Variants in ANKS1B observed in about 807,000 individuals in gnomAD.
The protein encoded by ANKS1B is ankyrin repeat and sterile alpha motif domain containing 1B.
A neutral mutation model predicts 148.3 loss-of-function variants in ANKS1B; 36 were observed. The ratio of observed to expected loss-of-function variants is 0.24; its 90% confidence interval spans 0.19 to 0.32. The LOEUF is 0.32. Ranked by LOEUF, ANKS1B falls within the 10% of genes least tolerant of loss-of-function variation. ANKS1B has a pLI of 1.00. For missense variants in ANKS1B, 1,157 were observed against 1,542.6 expected (o/e 0.75, Z 4.19); for synonymous variants, 542 against 560.8 (o/e 0.97, Z 0.47).
chr12:99,441,838 C>T (rs1020729995), intron 11 of ANKS1B, among the ~76,000 whole-genome samples: 2 of 151,764 alleles, frequency 1.3e-5, no homozygotes, highest in African/African-American at 4.8e-5. Flanking sequence ...CCAGGTGAAC[C>T]TAAACTCAAT....
chr12:99,285,246 C>T (rs2078975811), intron 12 of ANKS1B, among the ~76,000 whole-genome samples: 1 of 152,148 alleles, frequency 6.6e-6, no homozygotes, highest in Non-Finnish European at 1.5e-5. Flanking sequence ...GCTGCCTTTA[C>T]TCAGCATAGT....
intron 12 of ANKS1B, among the ~76,000 whole-genome samples, chr12:99,348,130 G>A (rs1409553472): frequency 1.3e-5 from 2 of 151,806 alleles, no homozygotes; most frequent in Non-Finnish European, 2.9e-5. Context: ...TAAATCAATT[G>A]AAATTATCCA....
chr12:99,448,369 CACTTATATATGAA>C (rs2095670677), intron 10 of ANKS1B, among the ~76,000 whole-genome samples: 1 of 152,098 alleles, frequency 6.6e-6, no homozygotes, highest in African/African-American at 2.4e-5. Context: ...CACGTGATCT[CACTTATATATGAA>C]ATCTAAACAA....
intron 14 of ANKS1B, among the ~76,000 whole-genome samples, chr12:99,161,229 G>A (rs2076624542): frequency 6.6e-6 from 1 of 152,100 alleles, no homozygotes; most frequent in Non-Finnish European, 1.5e-5. Context: ...GGAAGTTTAA[G>A]CCTAAACGTG....
At chr12:99,630,008 T>C (rs2098142513) in intron 9 of ANKS1B, among the ~76,000 whole-genome samples, 1 of 152,174 alleles carries the variant, frequency 6.6e-6, no homozygotes, top group Non-Finnish European at 1.5e-5. Context: ...TAAAAAATCC[T>C]AGGTGTATTT....
At chr12:98,887,500 T>C (rs1282227766) in intron 17 of ANKS1B, among the ~76,000 whole-genome samples, 1 of 152,204 alleles carries the variant, frequency 6.6e-6, no homozygotes, top group Non-Finnish European at 1.5e-5. Context: ...TTTCATCGTA[T>C]TTTTTCTTAA....
chr12:99,445,727 C>G (rs2095626297), intron 10 of ANKS1B, among the ~76,000 whole-genome samples: 1 of 150,924 alleles, frequency 6.6e-6, no homozygotes, highest in South Asian at 2.1e-4. Context: ...GGGTTTTTTC[C>G]TTTTCTTTTT....
At chr12:99,415,091 C>T (rs756487872) in intron 11 of ANKS1B, among the ~76,000 whole-genome samples, 1 of 152,114 alleles carries the variant, frequency 6.6e-6, no homozygotes, top group Non-Finnish European at 1.5e-5. Context: ...TAGTTTTGGA[C>T]TCAATGTAGA....
At chr12:98,937,593 T>A (rs1184529647) in intron 17 of ANKS1B, among the ~76,000 whole-genome samples, 2 of 152,090 alleles carry the variant, frequency 1.3e-5, no homozygotes, top group Non-Finnish European at 1.5e-5. Flanking sequence ...AGGAGTTATC[T>A]CCTGAATAAG....
intron 12 of ANKS1B, among the ~76,000 whole-genome samples, chr12:99,301,958 G>T (rs1452787737): frequency 1.3e-5 from 2 of 152,018 alleles, no homozygotes; most frequent in African/African-American, 4.8e-5. Flanking sequence ...AAGTGGGAAT[G>T]GTGTATCAGG....
At chr12:99,257,851 A>C (rs1189834635) in intron 12 of ANKS1B, among the ~76,000 whole-genome samples, 1 of 152,136 alleles carries the variant, frequency 6.6e-6, no homozygotes, top group East Asian at 1.9e-4. Context: ...CTTCCAGCTG[A>C]GCCAGGGAAC....
intron 9 of ANKS1B, among the ~76,000 whole-genome samples, chr12:99,552,763 T>C (rs2097234250): frequency 6.6e-6 from 1 of 152,192 alleles, no homozygotes; most frequent in Non-Finnish European, 1.5e-5. Flanking sequence ...CAAGTCCCTA[T>C]AGAAAATGGT....
At chr12:99,800,848 T>G (rs937684023) in intron 4 of ANKS1B, among the ~76,000 whole-genome samples, 1 of 152,012 alleles carries the variant, frequency 6.6e-6, no homozygotes, top group Non-Finnish European at 1.5e-5. Flanking sequence ...ACTTGGTAAT[T>G]GTCAGATAAA....
intron 1 of ANKS1B, among the ~76,000 whole-genome samples, chr12:99,959,963 G>A (rs186015818): frequency 2.0e-5 from 3 of 152,174 alleles, no homozygotes; most frequent in Admixed American, 1.3e-4. Flanking sequence ...TTGGGCAGAC[G>A]GGAGAGACTA....
chr12:99,409,678 T>C (rs1414100932), intron 11 of ANKS1B, among the ~76,000 whole-genome samples: 2 of 151,596 alleles, frequency 1.3e-5, no homozygotes, highest in African/African-American at 4.8e-5. Context: ...AAAAGAGATA[T>C]CTATGTGGAG....
At chr12:99,906,504 A>T (rs1364510909) in intron 1 of ANKS1B, among the ~76,000 whole-genome samples, 1 of 152,162 alleles carries the variant, frequency 6.6e-6, no homozygotes, top group Admixed American at 6.6e-5. Context: ...TTCTCCGCTG[A>T]ACGGAATTTG....
rs138816266 is a variant in ANKS1B at position 98,825,567 on chromosome 12, T to C, written c.3066+3607A>G. On this transcript the variant is annotated intron_variant, in intron 19 of 26. Transcript: ENST00000683438. ...TTTTACTGTTGAGAAGCCTTTGTTT[T>C]GTGAAAATACAAGTACTATTTCATT... 2.9e-4 allele frequency among the ~76,000 whole-genome samples: 44 copies of C among 152,338 alleles called. 1 individual carries two copies. The East Asian group carries it at 6.4e-3, about 22-fold the overall frequency.
intron 14 of ANKS1B, among the ~76,000 whole-genome samples, chr12:99,241,656 A>G (rs1358207198): frequency 1.3e-5 from 2 of 152,238 alleles, no homozygotes; most frequent in African/African-American, 4.8e-5. Context: ...TCAGTAAAAT[A>G]CTAGCAAACT....
At position 99,622,619 on chromosome 12, in the gene ANKS1B, G is replaced by T. The variant is rs75192745; in HGVS notation, c.1272+32448C>A. Among the ~76,000 whole-genome samples the T allele has an allele frequency of 6.4e-3, 964 of 151,608 alleles. 31 individuals carry two copies. In the East Asian group the frequency reaches 0.1, roughly 16 times the overall value. ...GTTATGAACAGTTATGTGCATACAG[G>T]TGTATGCACATAAACTAGAAAATCT... On this transcript the variant is annotated intron_variant, in intron 9 of 26. Transcript: ENST00000683438.
Sources: allele counts gnomAD v4.1 joint callset (sites outside exome capture counted in the v4.1 genomes callset), GRCh38; gene constraint gnomAD v4.1.1; transcripts MANE v1.5; gene names NCBI Gene and HGNC (gene_info 2026-07-23, HGNC 2026-07-21).